The following VAMP7 variants were observed in gnomAD, a reference collection of about 807,000 sequenced individuals.
VAMP7 encodes the protein vesicle associated membrane protein 7.
In VAMP7, 14 loss-of-function variants were observed where a neutral mutation model predicts 29.6. The ratio of observed to expected loss-of-function variants is 0.47; its 90% CI spans 0.31 to 0.74. The LOEUF (loss-of-function observed/expected upper bound fraction) is 0.74. Among genes scored for constraint, VAMP7 ranks in the 30% least tolerant of loss-of-function variants. The pLI is 0.05. For missense variants in VAMP7, 223 were observed against 262.4 expected (o/e 0.85, Z 1.04); for synonymous variants, 95 against 88.1 (o/e 1.08, Z -0.44).
At chrX:155,939,910 T>C in intron 7 of VAMP7, 117 bp downstream of exon 7, 1 of 857,688 alleles carries the variant, frequency 1.2e-6, no homozygotes, top group Admixed American at 2.1e-5. Flanking sequence ...CTTTTAATAG[T>C]GAAACACATG....
chrX:155,881,923 G>T (rs2065807331), intron 1 of VAMP7, among the ~76,000 whole-genome samples: 1 of 151,884 alleles, frequency 6.6e-6, no homozygotes, highest in African/African-American at 2.4e-5. Flanking sequence ...CTCTGTTCAG[G>T]GACTGTATTT....
intron 4 of VAMP7, 74 bp from the exon 5 acceptor site, chrX:155,900,423 T>C: frequency 8.7e-7 from 1 of 1,155,874 alleles, no homozygotes; most frequent in Middle Eastern, 2.0e-4. Context: ...GTGTAAATTG[T>C]CATTCCCCTT....
intron 5 of VAMP7, 150 bp downstream of exon 5, chrX:155,900,737 T>A: frequency 1.5e-6 from 1 of 664,902 alleles, no homozygotes; most frequent in East Asian, 2.8e-5. Flanking sequence ...TGATACTGTC[T>A]GCTTGTGCAA....
chrX:155,892,016 A>G (rs189449766), intron 2 of VAMP7, among the ~76,000 whole-genome samples: 3 of 152,292 alleles, frequency 2.0e-5, no homozygotes, highest in African/African-American at 7.2e-5. Context: ...AGACTGGGAA[A>G]TAGGGCATAT....
intron 6 of VAMP7, among the ~76,000 whole-genome samples, chrX:155,932,916 C>T (rs75816795): frequency 2.6e-5 from 4 of 152,006 alleles, no homozygotes; most frequent in African/African-American, 4.8e-5. Flanking sequence ...GCATGAAGGG[C>T]TGTTGAATTT....
At chrX:155,903,101 G>A (rs1473265439) in intron 5 of VAMP7, among the ~76,000 whole-genome samples, 28 of 151,892 alleles carry the variant, frequency 1.8e-4, no homozygotes, top group Admixed American at 1.6e-3. Flanking sequence ...GTCTTGGGAG[G>A]GTGTATGTGT....
At chrX:155,916,685 C>A (rs1189168193) in intron 5 of VAMP7, among the ~76,000 whole-genome samples, 1 of 152,086 alleles carries the variant, frequency 6.6e-6, no homozygotes, top group Non-Finnish European at 1.5e-5. Context: ...ATATTCGCCC[C>A]CAGTCTCTTC....
intron 1 of VAMP7, among the ~76,000 whole-genome samples, chrX:155,887,173 CTATT>C (rs1456813573): frequency 4.6e-5 from 7 of 152,122 alleles, no homozygotes; most frequent in Non-Finnish European, 8.8e-5. Context: ...TTGTGAGTCT[CTATT>C]TATCTACCTT....
chrX:155,904,349 T>C (rs2066116409), intron 5 of VAMP7, among the ~76,000 whole-genome samples: 1 of 125,126 alleles, frequency 8.0e-6, no homozygotes, highest in South Asian at 2.7e-4. Context: ...AAACTTAAAG[T>C]ATAATAATAA....
At chrX:155,919,284 T>C (rs1478795923) in intron 5 of VAMP7, among the ~76,000 whole-genome samples, 2 of 152,196 alleles carry the variant, frequency 1.3e-5, no homozygotes, top group Non-Finnish European at 2.9e-5. Flanking sequence ...TACTCATTAC[T>C]GGCTTGTTCA....
intron 5 of VAMP7, among the ~76,000 whole-genome samples, chrX:155,917,127 C>T (rs2066324671): frequency 6.6e-6 from 1 of 152,100 alleles, no homozygotes; most frequent in African/African-American, 2.4e-5. Context: ...CTCTGATATC[C>T]TTTCTTCCAC....
At chrX:155,934,649 T>G (rs2066619167) in intron 6 of VAMP7, among the ~76,000 whole-genome samples, 1 of 152,210 alleles carries the variant, frequency 6.6e-6, no homozygotes, top group African/African-American at 2.4e-5. Flanking sequence ...CTTTACTCTT[T>G]ATCTAATTTG....
At chrX:155,922,967 G>A (rs1303932758) in intron 6 of VAMP7, among the ~76,000 whole-genome samples, 2 of 151,758 alleles carry the variant, frequency 1.3e-5, no homozygotes, top group South Asian at 2.1e-4. Context: ...ATTAGCTATA[G>A]CTCCATTCTG....
chrX:155,888,706 C>T (rs1057202710), intron 1 of VAMP7, among the ~76,000 whole-genome samples: 5 of 152,016 alleles, frequency 3.3e-5, no homozygotes, highest in African/African-American at 1.2e-4. Context: ...CTTGTGGAAG[C>T]TTTGAGTTAT....
intron 6 of VAMP7, among the ~76,000 whole-genome samples, chrX:155,930,664 A>T (rs4893107): frequency 0.67 from 99,529 of 149,410 alleles, 33,492 homozygotes; most frequent in African/African-American, 0.77. Context: ...AAAAAAAAAA[A>T]TTTTTTTTCT....
At chrX:155,904,633 T>C (rs1226295437) in intron 5 of VAMP7, among the ~76,000 whole-genome samples, 1 of 151,986 alleles carries the variant, frequency 6.6e-6, no homozygotes, top group Non-Finnish European at 1.5e-5. Context: ...TTCCCTTTTC[T>C]TCTTCATAAA....
chrX:155,913,175 T>C (rs1368947049), intron 5 of VAMP7, among the ~76,000 whole-genome samples: 2 of 152,218 alleles, frequency 1.3e-5, no homozygotes, highest in Non-Finnish European at 2.9e-5. Flanking sequence ...AAATGTCTTC[T>C]TTTGAGAAGT....
At chrX:155,941,594 C>T (rs911115930) in intron 7 of VAMP7, among the ~76,000 whole-genome samples, 2 of 152,008 alleles carry the variant, frequency 1.3e-5, no homozygotes, top group African/African-American at 2.4e-5. Context: ...ATGAGTTGCT[C>T]ATTTAGCCTT....
intron 5 of VAMP7, among the ~76,000 whole-genome samples, chrX:155,909,545 A>G (rs2124311857): frequency 6.6e-6 from 1 of 152,188 alleles, no homozygotes; most frequent in African/African-American, 2.4e-5. Context: ...TCTTTTCTAG[A>G]TCCATAAGGT....
Sources: allele counts gnomAD v4.1 joint callset (sites outside exome capture counted in the v4.1 genomes callset), GRCh38; gene constraint gnomAD v4.1.1; transcripts MANE v1.5; gene names NCBI Gene and HGNC (gene_info 2026-07-23, HGNC 2026-07-21).